CHRDL2: variants seen among roughly 807,000 people sequenced by gnomAD.
The protein encoded by CHRDL2 is chordin like 2.
A neutral mutation model predicts 54.3 loss-of-function variants in CHRDL2; 41 were observed. The ratio of observed to expected loss-of-function variants is 0.76; its 90% CI spans 0.59 to 0.98. The LOEUF (loss-of-function observed/expected upper bound fraction) is 0.98. Among genes scored for constraint, CHRDL2 ranks in the 50% least tolerant of loss-of-function variants. The probability of loss-of-function intolerance (pLI) is 0.00; values close to 1 mark genes in which losing one functional copy is unlikely to be tolerated. For synonymous variants in CHRDL2, 220 were observed against 224.3 expected, an observed-to-expected ratio of 0.98 and a Z score of 0.17; for missense variants, 518 against 562.4, an observed-to-expected ratio of 0.92 and a Z score of 0.80.
chr11:74,723,933 T>C (rs1420490032), intron 1 of CHRDL2, among the ~76,000 whole-genome samples: 1 of 152,192 alleles, frequency 6.6e-6, no homozygotes, highest in Non-Finnish European at 1.5e-5. Flanking sequence ...GGGGGACTGC[T>C]ACAGTAATAT....
In CHRDL2 at chr11:74,731,117, G is replaced by A. The variant is rs2034647388; in HGVS notation, c.-229C>T. ...GTGGAAAGAGAACGCGGGGAAAGGA[G>A]GGAGAGATGGAGAGACGAAGGAAGG... is the stretch of plus-strand genomic sequence containing the variant. On this transcript the variant is annotated 5_prime_UTR_variant, in exon 1 of 11. Coordinates refer to ENST00000376332, the MANE Select transcript of CHRDL2 (RefSeq NM_001278473.3). The surrounding 1 kb of genome is among the most constrained non-coding windows in gnomAD (Gnocchi z 4.4). The A allele has an allele frequency of 1.8e-6, 1 of 559,758 alleles. No homozygotes were observed. 34.7% of individuals were successfully genotyped at this position (559,758 alleles called of 1,614,324 possible).
At chr11:74,703,650 A>C (rs1416378191) in intron 7 of CHRDL2, 151 bp from the exon 8 acceptor site, 1 of 633,518 alleles carries the variant, frequency 1.6e-6, no homozygotes, top group Non-Finnish European at 2.7e-6. Context: ...GCCAGGGTAT[A>C]AAACCTGTCC....
intron 3 of CHRDL2, 91 bp from the exon 4 acceptor site, chr11:74,711,082 G>C: frequency 7.1e-7 from 1 of 1,404,954 alleles, no homozygotes; most frequent in Non-Finnish European, 9.7e-7. Context: ...TGATGATTTT[G>C]CATTTGACCC....
chr11:74,712,682 CTCT>C (rs1205643976), intron 3 of CHRDL2, among the ~76,000 whole-genome samples: 2 of 152,104 alleles, frequency 1.3e-5, no homozygotes, highest in Non-Finnish European at 2.9e-5. Context: ...AATCTGGAGC[CTCT>C]TCTTCACCAC....
intron 2 of CHRDL2, among the ~76,000 whole-genome samples, chr11:74,718,196 T>C (rs1333736676): frequency 6.6e-6 from 1 of 152,132 alleles, no homozygotes; most frequent in African/African-American, 2.4e-5. Context: ...TGGTCAACAA[T>C]GATCAGGAGA....
At chr11:74,717,515 G>C (rs930565855) in intron 2 of CHRDL2, among the ~76,000 whole-genome samples, 2 of 152,194 alleles carry the variant, frequency 1.3e-5, no homozygotes, top group African/African-American at 4.8e-5. Flanking sequence ...AGGGGAGGCA[G>C]TCATGGTGGG....
intron 1 of CHRDL2, among the ~76,000 whole-genome samples, chr11:74,720,584 A>G (rs1015904969): frequency 1.4e-5 from 2 of 139,092 alleles, no homozygotes; most frequent in African/African-American, 5.0e-5. Flanking sequence ...TAAAATGGAG[A>G]AGCTGCCTCT....
rs546790300 is a variant in CHRDL2 at position 74,730,568 on chromosome 11, C to A, written c.82+239G>T. Among the ~76,000 whole-genome samples, 4 of 152,332 alleles carry A rather than the reference C, an allele frequency of 2.6e-5. No homozygotes were observed. In the South Asian group the frequency reaches 6.2e-4, roughly 24 times the overall value. On this transcript the variant is annotated intron_variant, in intron 1 of 10. Coordinates refer to ENST00000376332, the MANE Select transcript of CHRDL2 (RefSeq NM_001278473.3). ...CAAAACACAGTGCCCTGCCCTCTCC[C>A]CCCGCTGCCCTTGGTGCCCCTCCTC...
Position 74,702,189 on chromosome 11 carries a change from G to A in CHRDL2, c.1120+605C>T, listed in dbSNP as rs555783443. On this transcript the variant is annotated intron_variant, in intron 9 of 10. Transcript: ENST00000376332. ...GAGGATCGTTTGAGCCCAGGAGAAT[G>A]AGGTTGCAGTGGAGCCGAGATCATG... 7.9e-5 allele frequency among the ~76,000 whole-genome samples: 12 copies of A among 151,924 alleles called. No individual in the cohort carries two copies. In the South Asian group the frequency reaches 2.3e-3, roughly 29 times the overall value.
At chr11:74,703,912 A>G (rs2033919440) in intron 7 of CHRDL2, among the ~76,000 whole-genome samples, 1 of 152,060 alleles carries the variant, frequency 6.6e-6, no homozygotes, top group Non-Finnish European at 1.5e-5. Flanking sequence ...GTAGCCCCAT[A>G]GCTCTTCCTT....
intron 5 of CHRDL2, among the ~76,000 whole-genome samples, chr11:74,707,042 C>T (rs928576460): frequency 4.6e-5 from 7 of 152,166 alleles, no homozygotes; most frequent in African/African-American, 1.7e-4. Flanking sequence ...GCCTGAGCAC[C>T]CTGCCAGTCC....
intron 2 of CHRDL2, among the ~76,000 whole-genome samples, chr11:74,716,899 C>G (rs1565156362): frequency 6.6e-6 from 1 of 152,012 alleles, no homozygotes; most frequent in Non-Finnish European, 1.5e-5. Flanking sequence ...TTGAGACCAA[C>G]CTGGGCAACC....
At chr11:74,729,042 T>A (rs1482374497) in intron 1 of CHRDL2, among the ~76,000 whole-genome samples, 1 of 151,950 alleles carries the variant, frequency 6.6e-6, no homozygotes, top group Non-Finnish European at 1.5e-5. Flanking sequence ...CTTGAAGAGG[T>A]GTGACCTAGG....
At position 74,706,496 on chromosome 11, in the gene CHRDL2, G is replaced by A. The variant is rs553337811; in HGVS notation, c.573C>T (p.Leu191=). The A allele has an allele frequency of 9.1e-5, 147 of 1,613,874 alleles. 1 individual carries two copies. Among genetic ancestry groups the A allele is most frequent in the Non-Finnish European group, 1.2e-4 (142 of 1,179,954 alleles). Residue 191 remains leucine (L), a synonymous_variant, in exon 6 of 11, where the codon CTC becomes CTT. Transcript: ENST00000376332. ...AAGGCCGTGCACTCACCACCCCATG[G>A]AGCGACTGCACACTGTCCTCTTCAT... ...QSDEEDSVQS[L]HGVRHPQDPC... is the part of the protein sequence containing the mutation.
At chr11:74,715,185 G>A (rs1052232955) in intron 2 of CHRDL2, among the ~76,000 whole-genome samples, 1 of 152,190 alleles carries the variant, frequency 6.6e-6, no homozygotes, top group Non-Finnish European at 1.5e-5. Context: ...ACTCATTCAC[G>A]CTCAATACTT....
intron 1 of CHRDL2, among the ~76,000 whole-genome samples, chr11:74,728,784 A>G (rs2034608762): frequency 6.6e-6 from 1 of 152,184 alleles, no homozygotes; most frequent in Non-Finnish European, 1.5e-5. Flanking sequence ...GATGGGTAGA[A>G]GCAGATGGTT....
chr11:74,728,536 T>A (rs966745569), intron 1 of CHRDL2, among the ~76,000 whole-genome samples: 7 of 151,520 alleles, frequency 4.6e-5, no homozygotes, highest in African/African-American at 1.7e-4. Flanking sequence ...TTTTTGTTGT[T>A]GTTGTTGTTG....
intron 2 of CHRDL2, among the ~76,000 whole-genome samples, chr11:74,717,765 G>T (rs945529590): frequency 2.0e-5 from 3 of 152,218 alleles, no homozygotes; most frequent in Non-Finnish European, 4.4e-5. Context: ...TGCAGGGAAA[G>T]AGTGGGGCTG....
In CHRDL2 at chr11:74,730,809, G is replaced by A. The variant is rs1209988441; in HGVS notation, c.80C>T (p.Ala27Val). 1 of 1,610,384 alleles carries A rather than the reference G, an allele frequency of 6.2e-7. No individual in the cohort carries two copies. The highest frequency in any genetic ancestry group is 2.2e-5 in the East Asian group (1 of 44,780). ...LWFPLDSHAR[A>V]RPDMFCLFHG... is the part of the protein sequence containing the mutation. The stretch of plus-strand genomic sequence containing the variant: ...ACCCAGCCTCCCGGTCTACTTACGG[G>A]CTCGAGCGTGGGAGTCCAGGGGGAA... The change falls in exon 1 of 11, where the codon GCC (alanine) becomes GTC (valine). Residue 27 changes from alanine (A) to valine (V), a missense_variant and splice_region_variant. By Grantham distance (64) the Ala-to-Val change is moderately conservative. Transcript: ENST00000376332.
Sources: allele counts gnomAD v4.1 joint callset (sites outside exome capture counted in the v4.1 genomes callset), GRCh38; gene constraint gnomAD v4.1.1; non-coding constraint Gnocchi (gnomAD v3.1); transcripts MANE v1.5; gene names NCBI Gene and HGNC (gene_info 2026-07-23, HGNC 2026-07-21).